PXK: variants seen among roughly 807,000 people sequenced by gnomAD.
PXK encodes the protein PX domain containing serine/threonine kinase like.
Under a neutral mutation model 84.7 loss-of-function variants are expected in PXK, and 35 were observed. The ratio of observed to expected loss-of-function variants is 0.41; its 90% CI spans 0.32 to 0.55. The LOEUF (loss-of-function observed/expected upper bound fraction) is 0.55. Ranked by LOEUF, PXK falls within the 20% of genes least tolerant of loss-of-function variation. The probability of loss-of-function intolerance (pLI) is 0.21; values close to 1 mark genes in which losing one functional copy is unlikely to be tolerated. For synonymous variants in PXK, 253 were observed against 260.8 expected (o/e 0.97, Z 0.29); for missense variants, 634 against 699.7 (o/e 0.91, Z 1.06).
At chr3:58,422,415 C>T in intron 17 of PXK, 5 of 985,430 alleles carry the variant, frequency 5.1e-6, no homozygotes, top group Non-Finnish European at 6.0e-6. Context: ...CTGCTCCAGC[C>T]TGCTGAGGCC....
chr3:58,390,158 A>G lies in PXK; in HGVS notation c.389-424A>G, dbSNP rs191350107. Among the ~76,000 whole-genome samples the G allele has an allele frequency of 1.5e-3, 226 of 152,226 alleles. 1 individual carries two copies. Among genetic ancestry groups the G allele is most frequent in the African/African-American group, 5.4e-3 (225 of 41,542 alleles). ...GTGCCACTGAGTTCCAGCCTGGGCA[A>G]CAGAGTGAGACCCTATCTCAAAAAA... On this transcript the variant is annotated intron_variant, in intron 4 of 17. Transcript: ENST00000356151. The surrounding 1 kb of genome is among the most constrained non-coding windows in gnomAD (Gnocchi z 4.2).
chr3:58,339,219 TTTTTTTTTGTTTTTTTTTG>T (rs1559843178), intron 1 of PXK, among the ~76,000 whole-genome samples: 12 of 116,018 alleles, frequency 1.0e-4, no homozygotes, highest in African/African-American at 4.8e-4. Context: ...TTGTGGGGGG[TTTTTTTTTGTTTTTTTTTG>T]TTTTTTTTTT....
At chr3:58,376,870 C>A (rs894909896) in intron 3 of PXK, among the ~76,000 whole-genome samples, 1 of 152,084 alleles carries the variant, frequency 6.6e-6, no homozygotes, top group Non-Finnish European at 1.5e-5. Context: ...TAACTCCTGA[C>A]CCCAGGTAGT....
intron 1 of PXK, among the ~76,000 whole-genome samples, chr3:58,339,169 T>C (rs538513200): frequency 2.0e-5 from 3 of 152,102 alleles, no homozygotes; most frequent in Non-Finnish European, 2.9e-5. Flanking sequence ...AAGTTGTCTC[T>C]TCCTATTGAA....
In PXK at chr3:58,369,824, C is replaced by CAAAA. The variant is rs751574356; in HGVS notation, c.201+360_201+363dup. 1.0e-3 allele frequency among the ~76,000 whole-genome samples: 65 copies of CAAAA among 64,742 alleles called. No homozygotes were observed. The East Asian group carries it at 0.026, about 26-fold the overall frequency. 42.5% of individuals were successfully genotyped at this position (64,742 alleles called of 152,430 possible). A position where few individuals can be genotyped will look rare whatever the true frequency, so the allele number is the denominator to read the frequency against. On this transcript the variant is annotated intron_variant, in intron 3 of 17. Coordinates refer to ENST00000356151, the MANE Select transcript of PXK (RefSeq NM_017771.5). ...GGGCAATAAGAGTGAAACTCTGTCT[C>CAAAA]AAAAAAAAAAAAAAAAACAAAACTG...
chr3:58,369,411 C>T lies in PXK; in HGVS notation c.154-20C>T, dbSNP rs1434347933. The T allele has an allele frequency of 6.9e-6, 11 of 1,592,000 alleles. No homozygotes were observed. Among genetic ancestry groups the T allele is most frequent in the Middle Eastern group, 1.7e-4 (1 of 6,024 alleles). On this transcript the variant is annotated intron_variant, in intron 2 of 17. Transcript: ENST00000356151. ...AGATAGTCTTTGCTGAATCAAAACA[C>T]TACTTCTTGTCTCTTACAGATTGTT...
chr3:58,358,136 TATC>T (rs1168476800), intron 1 of PXK, among the ~76,000 whole-genome samples: 15 of 152,348 alleles, frequency 9.8e-5, no homozygotes, highest in South Asian at 6.2e-4. Flanking sequence ...TTCATGTAGT[TATC>T]ATTTCTTTGT....
intron 17 of PXK, among the ~76,000 whole-genome samples, chr3:58,419,197 G>A (rs1354105391): frequency 6.6e-6 from 1 of 152,220 alleles, no homozygotes; most frequent in Non-Finnish European, 1.5e-5. Context: ...GTATGGGCAG[G>A]ACTCTCTCTG....
At position 58,423,430 on chromosome 3, in the gene PXK, CGTGT is replaced by C. The variant is rs539646675; in HGVS notation, c.1529-1319_1529-1316del. 267 of 1,523,114 alleles carry C rather than the reference CGTGT, an allele frequency of 1.8e-4. No homozygotes were observed. The African/African-American group carries it at 2.0e-3, about 12-fold the overall frequency. The allele number at this position is 1,523,114 out of a possible 1,614,324, so 94.3% of individuals were successfully genotyped here. A position where few individuals can be genotyped will look rare whatever the true frequency, so the allele number is the denominator to read the frequency against. ...GCATTCCAAGATTGCAGAGCATGAG[CGTGT>C]GTATTTGTGTGATTCTTTAATTTCA... On this transcript the variant is annotated intron_variant, in intron 17 of 17. Transcript: ENST00000356151.
At chr3:58,346,955 C>T (rs2097835158) in intron 1 of PXK, among the ~76,000 whole-genome samples, 1 of 152,220 alleles carries the variant, frequency 6.6e-6, no homozygotes, top group Non-Finnish European at 1.5e-5. Flanking sequence ...TCTCCTTCCT[C>T]AGTCTCCTGA....
At chr3:58,334,562 T>C (rs2097552080) in intron 1 of PXK, among the ~76,000 whole-genome samples, 1 of 152,194 alleles carries the variant, frequency 6.6e-6, no homozygotes, top group Admixed American at 6.5e-5. Context: ...AATAAAGAGA[T>C]AGATGTTTCT....
At chr3:58,358,843 C>A (rs1412300453) in intron 1 of PXK, among the ~76,000 whole-genome samples, 1 of 152,188 alleles carries the variant, frequency 6.6e-6, no homozygotes, top group Non-Finnish European at 1.5e-5. Context: ...GATGTCACAG[C>A]CTGACATCAG....
chr3:58,420,962 T>C, intron 17 of PXK: 1 of 1,041,894 alleles, frequency 9.6e-7, no homozygotes, highest in Non-Finnish European at 1.2e-6. Flanking sequence ...GCACTTGAGC[T>C]CTTAGTTACA....
intron 2 of PXK, among the ~76,000 whole-genome samples, chr3:58,367,096 C>T (rs1576099329): frequency 6.6e-6 from 1 of 152,130 alleles, no homozygotes; most frequent in Admixed American, 6.5e-5. Context: ...TGGGCCCCAT[C>T]CTAGACCTAC....
intron 1 of PXK, among the ~76,000 whole-genome samples, chr3:58,356,902 C>CTT (rs77387058): frequency 1.4e-5 from 2 of 144,248 alleles, no homozygotes; most frequent in African/African-American, 5.1e-5. Context: ...CGCCCGGCCT[C>CTT]TTTTTTTTTT....
intron 3 of PXK, among the ~76,000 whole-genome samples, chr3:58,373,159 G>T (rs2098401411): frequency 6.7e-6 from 1 of 149,494 alleles, no homozygotes; most frequent in African/African-American, 2.5e-5. Flanking sequence ...CTCACTGCAA[G>T]CTCCACCTCC....
chr3:58,421,770 A>G lies in PXK; in HGVS notation c.1529-2982A>G, dbSNP rs138794211. ...TGGTGGAGAAGATTTTGGGGTGGGT[A>G]GAGTAAGTAGTTGGCTCTCAGGGAT... is the stretch of plus-strand genomic sequence containing the variant. On this transcript the variant is annotated intron_variant, in intron 17 of 17. Coordinates refer to ENST00000356151, the MANE Select transcript of PXK (RefSeq NM_017771.5). This position sits in a 1 kb window ranked among gnomAD's most constrained non-coding sequence, Gnocchi z 5.5. The G allele has an allele frequency of 3.0e-6, 3 of 985,364 alleles. No individual in the cohort carries two copies. The highest frequency in any genetic ancestry group is 1.1e-4 in the East Asian group (1 of 8,810). The allele number at this position is 985,364 out of a possible 1,614,324, so 61.0% of individuals were successfully genotyped here.
At chr3:58,372,345 T>C (rs2098385729) in intron 3 of PXK, among the ~76,000 whole-genome samples, 1 of 151,976 alleles carries the variant, frequency 6.6e-6, no homozygotes, top group Admixed American at 6.6e-5. Flanking sequence ...TTTTTTGAGA[T>C]GGAGTCTCAC....
chr3:58,417,117 G>T (rs2061093583), intron 17 of PXK, among the ~76,000 whole-genome samples: 1 of 152,090 alleles, frequency 6.6e-6, no homozygotes, highest in African/African-American at 2.4e-5. Context: ...TGTTGCCCAG[G>T]TTGGTATCAA....
Sources: allele counts gnomAD v4.1 joint callset (sites outside exome capture counted in the v4.1 genomes callset), GRCh38; gene constraint gnomAD v4.1.1; non-coding constraint Gnocchi (gnomAD v3.1); transcripts MANE v1.5; gene names NCBI Gene and HGNC (gene_info 2026-07-23, HGNC 2026-07-21).